GRIP1: variants seen among roughly 807,000 people sequenced by gnomAD.
The protein encoded by GRIP1 is glutamate receptor-interacting protein 1.
Under a neutral mutation model 129.9 loss-of-function variants are expected in GRIP1, and 45 were observed. That is an observed-to-expected ratio of 0.35 (90% CI 0.27 to 0.44). GRIP1 has a LOEUF of 0.44. Among genes scored for constraint, GRIP1 ranks in the 20% least tolerant of loss-of-function variants. The pLI is 1.00. For synonymous variants in GRIP1, 530 were observed against 520.8 expected (o/e 1.02, Z -0.24); for missense variants, 1,196 against 1,396.8 (o/e 0.86, Z 2.29).
intron 2 of GRIP1, among the ~76,000 whole-genome samples, chr12:66,570,321 TG>T (rs1282540214): frequency 6.6e-6 from 1 of 152,114 alleles, no homozygotes; most frequent in African/African-American, 2.4e-5. Flanking sequence ...TCTTGTTATT[TG>T]CTCAGGCCAG....
At chr12:66,737,370 G>A (rs144203687) in intron 1 of GRIP1, among the ~76,000 whole-genome samples, 7,275 of 152,088 alleles carry the variant, frequency 0.048, 314 homozygotes, top group Admixed American at 0.13. Context: ...TGCAACCTCC[G>A]CCTCCCAGGT....
intron 1 of GRIP1, among the ~76,000 whole-genome samples, chr12:66,855,217 C>T (rs879355316): frequency 1.3e-5 from 2 of 151,896 alleles, no homozygotes; most frequent in African/African-American, 2.4e-5. Context: ...CAATCAAATG[C>T]TATTAAGTCA....
intron 5 of GRIP1, among the ~76,000 whole-genome samples, chr12:66,519,841 C>G (rs1285459194): frequency 6.6e-6 from 1 of 152,206 alleles, no homozygotes; most frequent in South Asian, 2.1e-4. Flanking sequence ...TTGAGAATTA[C>G]TAGAGAAGGT....
At chr12:66,800,388 C>T (rs892524952) in intron 1 of GRIP1, among the ~76,000 whole-genome samples, 5 of 151,934 alleles carry the variant, frequency 3.3e-5, no homozygotes, top group African/African-American at 7.3e-5. Context: ...AAGATGCTAG[C>T]GCTGTACATG....
intron 1 of GRIP1, among the ~76,000 whole-genome samples, chr12:66,860,574 G>GT (rs1387624328): frequency 6.6e-6 from 1 of 151,976 alleles, no homozygotes; most frequent in Non-Finnish European, 1.5e-5. Flanking sequence ...TTCACCGAGT[G>GT]TAAGTTCCCC....
intron 2 of GRIP1, among the ~76,000 whole-genome samples, chr12:66,550,785 T>C (rs2062099644): frequency 6.6e-6 from 1 of 152,126 alleles, no homozygotes; most frequent in African/African-American, 2.4e-5. Context: ...AATAAAACCA[T>C]GATGCAAGAT....
At chr12:66,682,298 G>A (rs2034615254), upstream of GRIP1, among the ~76,000 whole-genome samples, 2 of 152,160 alleles carry the variant, frequency 1.3e-5, no homozygotes, top group South Asian at 4.2e-4. Context: ...AGAAACAGGT[G>A]ACAGTTAAGG....
At chr12:66,691,814 A>G (rs1470089188) in intron 1 of GRIP1, among the ~76,000 whole-genome samples, 2 of 152,118 alleles carry the variant, frequency 1.3e-5, no homozygotes, top group Non-Finnish European at 2.9e-5. Context: ...CGCTTAATTG[A>G]TCAAAAGGGA....
intron 1 of GRIP1, among the ~76,000 whole-genome samples, chr12:66,812,620 CAAGTA>C (rs1203374084): frequency 2.0e-5 from 3 of 152,196 alleles, no homozygotes; most frequent in African/African-American, 7.2e-5. Context: ...GTTACAAGTT[CAAGTA>C]AAGAGTTTAA....
At chr12:67,043,332 T>C (rs2043206883) in intron 1 of GRIP1, among the ~76,000 whole-genome samples, 1 of 152,202 alleles carries the variant, frequency 6.6e-6, no homozygotes, top group African/African-American at 2.4e-5. Context: ...TATTAGGACT[T>C]GGGAAGGATC....
intron 1 of GRIP1, among the ~76,000 whole-genome samples, chr12:66,770,285 T>C (rs1006026979): frequency 6.6e-6 from 1 of 152,168 alleles, no homozygotes; most frequent in South Asian, 2.1e-4. Context: ...TTTAGGACTG[T>C]CAAACTTCAA....
Position 66,679,068 on chromosome 12 carries a change from A to C in GRIP1, c.-164T>G. ...CTTGGCTGATGCAGAGGTCCGCTACATGTCATCTGGCAAATCTGTGTCATT... is the reference window on the plus strand; with the variant it reads ...CTTGGCTGATGCAGAGGTCCGCTACCTGTCATCTGGCAAATCTGTGTCATT... On this transcript the variant is annotated 5_prime_UTR_variant, in exon 1 of 25. It removes an upstream start codon present in the reference 5' UTR. Transcript: ENST00000359742. 1.3e-6 allele frequency: 2 copies of C among 1,517,576 alleles called. No homozygotes were observed. The highest frequency in any genetic ancestry group is 2.0e-5 in the Admixed American group (1 of 49,866). The allele number at this position is 1,517,576 out of a possible 1,614,324, so 94.0% of individuals were successfully genotyped here. A position where few individuals can be genotyped will look rare whatever the true frequency, so the allele number is the denominator to read the frequency against.
chr12:66,535,033 G>C (rs2139156877), intron 4 of GRIP1, among the ~76,000 whole-genome samples: 1 of 152,162 alleles, frequency 6.6e-6, no homozygotes, highest in East Asian at 1.9e-4. Flanking sequence ...GTTTAACTGT[G>C]GGCTGGGCTG....
At chr12:66,634,797 C>T (rs2031191283) in intron 1 of GRIP1, among the ~76,000 whole-genome samples, 1 of 152,224 alleles carries the variant, frequency 6.6e-6, no homozygotes, top group Non-Finnish European at 1.5e-5. Flanking sequence ...GGGACTAGAA[C>T]CCCTGCCTAC....
chr12:66,580,538 G>T (rs941094294), intron 2 of GRIP1, among the ~76,000 whole-genome samples: 2 of 151,784 alleles, frequency 1.3e-5, no homozygotes, highest in Non-Finnish European at 2.9e-5. Flanking sequence ...ACACACATAG[G>T]CTCAAAATAA....
At chr12:66,920,293 GC>G (rs1272702733) in intron 1 of GRIP1, among the ~76,000 whole-genome samples, 2 of 152,058 alleles carry the variant, frequency 1.3e-5, no homozygotes, top group Non-Finnish European at 1.5e-5. Flanking sequence ...ACTTCCTCGT[GC>G]TTTTACTCTC....
At chr12:66,871,874 A>G (rs2137156711) in intron 1 of GRIP1, among the ~76,000 whole-genome samples, 1 of 152,192 alleles carries the variant, frequency 6.6e-6, no homozygotes, top group South Asian at 2.1e-4. Context: ...ACAGAGTTTA[A>G]CATCTCAGCC....
At position 66,956,395 on chromosome 12, in the gene GRIP1, G is replaced by A. The variant is rs986445793; in HGVS notation, c.58+112655C>T. 4.6e-5 allele frequency among the ~76,000 whole-genome samples: 7 copies of A among 152,256 alleles called. No homozygotes were observed. The East Asian group carries it at 1.2e-3, about 25-fold the overall frequency. ...TCATTTCAATATACCAGGAGTAGAT[G>A]ATATCAGCAGGATTTATCACTGGAG... On this transcript the variant is annotated intron_variant, in intron 1 of 1. Coordinates refer to the GRIP1 transcript ENST00000643019.
intron 1 of GRIP1, among the ~76,000 whole-genome samples, chr12:66,961,342 A>G (rs1418310196): frequency 6.6e-6 from 1 of 152,120 alleles, no homozygotes; most frequent in Non-Finnish European, 1.5e-5. Flanking sequence ...GAGGCGGGGA[A>G]TTTGGGTAGG....
Sources: allele counts gnomAD v4.1 joint callset (sites outside exome capture counted in the v4.1 genomes callset), GRCh38; gene constraint gnomAD v4.1.1; transcripts MANE v1.5; gene names NCBI Gene and HGNC (gene_info 2026-07-23, HGNC 2026-07-21).